Variants in PIWIL2 observed in about 807,000 individuals in gnomAD.
PIWIL2 encodes the protein piwi-like protein 2.
A neutral mutation model predicts 116.5 loss-of-function variants in PIWIL2; 81 were observed. The observed-to-expected ratio is 0.70, with a 90% CI of 0.58 to 0.84. PIWIL2 has a LOEUF of 0.84. Ranked by LOEUF, PIWIL2 falls within the 40% of genes least tolerant of loss-of-function variation. The pLI is 0.00. For missense variants in PIWIL2, 1,272 were observed against 1,212.3 expected, an observed-to-expected ratio of 1.05 and a Z score of -0.73; for synonymous variants, 489 against 429.5, an observed-to-expected ratio of 1.14 and a Z score of -1.71.
At position 22,308,024 on chromosome 8, in the gene PIWIL2, C is replaced by A. The variant is rs576540467; in HGVS notation, c.1637C>A (p.Thr546Asn). Residue 546 changes from threonine to asparagine, a missense_variant, in exon 14 of 23, where the codon ACC (threonine) becomes AAC (asparagine). Transcript: ENST00000356766. ...AGAATTGCAAAGAACGAGGCAGCCA[C>A]CAATGAACTGATGCGTTGGGGGCTC... ...LQRIAKNEAA[T>N]NELMRWGLRL... 2.0e-5 allele frequency: 33 copies of A among 1,613,816 alleles called. No homozygotes were observed. In the South Asian group the frequency reaches 3.6e-4, roughly 18 times the overall value.
chr8:22,352,363 A>G (rs1832392574), intron 20 of PIWIL2, among the ~76,000 whole-genome samples: 1 of 152,238 alleles, frequency 6.6e-6, no homozygotes. Context: ...CCCATAGACA[A>G]TTCACATAGC....
intron 20 of PIWIL2, among the ~76,000 whole-genome samples, chr8:22,346,663 G>T (rs999089446): frequency 3.3e-5 from 5 of 152,026 alleles, no homozygotes; most frequent in South Asian, 2.1e-4. Context: ...ATTATTGAAG[G>T]CCCCAAAGAG....
In PIWIL2 at chr8:22,316,295, C is replaced by G. The variant is rs1354219427; in HGVS notation, c.2259C>G (p.Gly753=). The G allele has an allele frequency of 6.2e-7, 1 of 1,613,026 alleles. No homozygotes were observed. The highest frequency in any genetic ancestry group is 8.5e-7 in the Non-Finnish European group (1 of 1,179,046). Residue 753 remains glycine, a synonymous_variant, in exon 19 of 23, where the codon GGC becomes GGG. Transcript: ENST00000356766. ...ATGTTTACCATGACCCCAGTAGAGG[C>G]ATGCGCTCCGTGGTTGGCTTCGTGG... ...GMDVYHDPSR[G]MRSVVGFVAS... is the part of the protein sequence containing the mutation.
intron 20 of PIWIL2, among the ~76,000 whole-genome samples, chr8:22,324,612 G>T (rs950687705): frequency 6.6e-6 from 1 of 152,166 alleles, no homozygotes; most frequent in Non-Finnish European, 1.5e-5. Flanking sequence ...TAACATGAAG[G>T]TTTAAAAGTA....
At chr8:22,319,642 C>T (rs1435416385) in intron 20 of PIWIL2, among the ~76,000 whole-genome samples, 7 of 152,190 alleles carry the variant, frequency 4.6e-5, no homozygotes, top group South Asian at 2.1e-4. Flanking sequence ...CAATCAGGAA[C>T]TGGACAAGGC....
chr8:22,296,296 C>T lies in PIWIL2; in HGVS notation c.1181+5950C>T, dbSNP rs1830905349. On this transcript the variant is annotated intron_variant, in intron 10 of 22. Coordinates refer to ENST00000356766, the MANE Select transcript of PIWIL2 (RefSeq NM_018068.5). ...TCTTGACCTTGTGATCCACCTGCCTCAGTCTCCCAAAGTGCTGGGATTACA... is the reference window on the plus strand; with the variant it reads ...TCTTGACCTTGTGATCCACCTGCCTTAGTCTCCCAAAGTGCTGGGATTACA... Among the ~76,000 whole-genome samples the T allele has an allele frequency of 2.0e-5, 3 of 152,084 alleles. No homozygotes were observed. The South Asian group carries it at 6.2e-4, about 32-fold the overall frequency.
At chr8:22,328,809 G>C (rs1396136442) in intron 20 of PIWIL2, among the ~76,000 whole-genome samples, 2 of 124,422 alleles carry the variant, frequency 1.6e-5, no homozygotes, top group East Asian at 5.5e-4. Flanking sequence ...GTGGTTATGA[G>C]CTCTAGTCGT....
intron 21 of PIWIL2, among the ~76,000 whole-genome samples, chr8:22,353,806 G>A (rs1017162866): frequency 9.2e-6 from 1 of 109,160 alleles, no homozygotes; most frequent in Non-Finnish European, 1.7e-5. Context: ...GCAGGGTCTC[G>A]CTTTGTTGTC....
At chr8:22,328,504 A>G (rs1831779996) in intron 20 of PIWIL2, among the ~76,000 whole-genome samples, 2 of 152,164 alleles carry the variant, frequency 1.3e-5, no homozygotes, top group Admixed American at 6.6e-5. Context: ...ATTGTATTGA[A>G]TATCTAGATT....
intron 10 of PIWIL2, among the ~76,000 whole-genome samples, chr8:22,297,305 A>C (rs1437065737): frequency 6.6e-6 from 1 of 151,802 alleles, no homozygotes; most frequent in East Asian, 1.9e-4. Flanking sequence ...TTTTGTAGAG[A>C]TGCAGTTTGA....
chr8:22,324,005 TA>T (rs1308309298), intron 20 of PIWIL2, among the ~76,000 whole-genome samples: 5 of 152,200 alleles, frequency 3.3e-5, no homozygotes, highest in Non-Finnish European at 7.4e-5. Context: ...CTCATGCCTA[TA>T]ATCCCAGCAC....
At chr8:22,323,498 G>C (rs1831654672) in intron 20 of PIWIL2, among the ~76,000 whole-genome samples, 2 of 152,098 alleles carry the variant, frequency 1.3e-5, no homozygotes, top group Admixed American at 1.3e-4. Context: ...CCAAAGTGCT[G>C]GGATTATAGG....
chr8:22,310,197 A>G, intron 15 of PIWIL2, 123 bp downstream of exon 15: 1 of 600,988 alleles, frequency 1.7e-6, no homozygotes, highest in Non-Finnish European at 3.0e-6. Flanking sequence ...CCCATTCTGA[A>G]TTACCTACTA....
In PIWIL2 at chr8:22,289,864, A is replaced by C. The variant is rs759506147; in HGVS notation, c.1004A>C (p.Asp335Ala). Residue 335 changes from aspartate (D) to alanine (A), a missense_variant, in exon 9 of 23, where the codon GAT (aspartate) becomes GCT (alanine). By Grantham distance (126) the Asp-to-Ala change is moderately radical. Coordinates refer to ENST00000356766, the MANE Select transcript of PIWIL2 (RefSeq NM_018068.5). ...TATTTCAGGGTAATGAAACTTTTAG[A>C]TATGAAGCTTGTGGGGAGAAACTTT... is the stretch of plus-strand genomic sequence containing the variant. ...VVFRRVMKLLDMKLVGRNFYD... is the reference protein window; with the variant it reads ...VVFRRVMKLLAMKLVGRNFYD... 6.2e-7 allele frequency: 1 copy of C among 1,606,316 alleles called. No individual in the cohort carries two copies. The highest frequency in any genetic ancestry group is 8.5e-7 in the Non-Finnish European group (1 of 1,172,956).
chr8:22,279,994 C>T (rs974827834), intron 2 of PIWIL2, among the ~76,000 whole-genome samples: 7 of 152,082 alleles, frequency 4.6e-5, no homozygotes, highest in African/African-American at 1.7e-4. Context: ...ACTGGGAAGC[C>T]CTAAACAGAA....
Position 22,283,165 on chromosome 8 carries a change from C to G in PIWIL2, c.557C>G (p.Ser186Ter). 6.2e-7 allele frequency: 1 copy of G among 1,614,156 alleles called. No individual in the cohort carries two copies. The highest frequency in any genetic ancestry group is 8.5e-7 in the Non-Finnish European group (1 of 1,179,994). ...TPSRGPPQLS[S>*]PPALPQSPLH... The stretch of plus-strand genomic sequence containing the variant: ...TCCCGGGGTCCCCCGCAGCTGTCAT[C>G]ACCACCAGCTCTGCCCCAGTCTCCC... The change falls in exon 5 of 23, where the codon TCA becomes TGA. Residue 186 changes from serine to a stop codon, truncating the protein, a stop_gained. Transcript: ENST00000356766. LOFTEE classifies it high-confidence loss of function.
chr8:22,277,144 C>G (rs909161088), intron 1 of PIWIL2, among the ~76,000 whole-genome samples: 2 of 151,948 alleles, frequency 1.3e-5, no homozygotes, highest in African/African-American at 4.8e-5. Flanking sequence ...GCCTCAGACT[C>G]CTGAGGAGGG....
chr8:22,290,205 C>G (rs762954377), intron 9 of PIWIL2, 28 bp from the exon 10 acceptor site: 1 of 1,402,026 alleles, frequency 7.1e-7, no homozygotes, highest in East Asian at 2.3e-5. Context: ...TTTGAAAATC[C>G]TACAGTTGAG....
chr8:22,310,285 G>T (rs1398619810), intron 15 of PIWIL2, among the ~76,000 whole-genome samples: 1 of 152,184 alleles, frequency 6.6e-6, no homozygotes, highest in East Asian at 1.9e-4. Flanking sequence ...TTAGGGAAAG[G>T]AAATAAATTG....
Sources: gnomAD v4.1 joint callset for allele counts (sites outside exome capture counted in the v4.1 genomes callset) on GRCh38, gnomAD v4.1.1 for gene constraint, MANE v1.5 for transcripts, NCBI Gene and HGNC (gene_info 2026-07-23, HGNC 2026-07-21) for gene names.